SEPTIN9: variants seen among roughly 807,000 people sequenced by gnomAD.
The protein encoded by SEPTIN9 is septin 9, also known as septin-9.
SEPTIN9 carries 13 observed loss-of-function variants against 56.6 expected under a neutral mutation model. The observed-to-expected ratio is 0.23, with a 90% CI of 0.15 to 0.37. The LOEUF is 0.37. Ranked by LOEUF, SEPTIN9 falls within the 10% of genes least tolerant of loss-of-function variation. SEPTIN9 has a pLI of 1.00. For missense variants in SEPTIN9, 650 were observed against 823.1 expected (o/e 0.79, Z 2.57); for synonymous variants, 332 against 334.1 (o/e 0.99, Z 0.07).
In SEPTIN9 at chr17:77,309,589, A is replaced by G. The variant is rs796420829; in HGVS notation, c.76+2392A>G. The stretch of plus-strand genomic sequence containing the variant: ...TTCTCTGTAGATCCACATCTGGCCA[A>G]TCTCCTATGTCTGGGACTCTTGCCC... On this transcript the variant is annotated intron_variant, in intron 2 of 11. Coordinates refer to ENST00000427177, the MANE Select transcript of SEPTIN9 (RefSeq NM_001113491.2). 8.5e-5 allele frequency among the ~76,000 whole-genome samples: 13 copies of G among 152,120 alleles called. 1 individual carries two copies. The highest frequency in any genetic ancestry group is 3.1e-4 in the African/African-American group (13 of 41,512).
In SEPTIN9 at chr17:77,402,484, C is replaced by T. The variant is rs751842220; in HGVS notation, c.502C>T (p.Pro168Ser). 1.2e-6 allele frequency: 2 copies of T among 1,606,768 alleles called. No homozygotes were observed. The highest frequency in any genetic ancestry group is 1.3e-5 in the African/African-American group (1 of 74,872). ...QESAHRRMEP[P>S]ASKVPEVPTA... ...GTCAGCCCACCGGAGGATGGAGCCC[C>T]CTGCCTCCAAGGTCCCCGAGGTGCC... The change falls in exon 3 of 12, where the codon CCT becomes TCT. Residue 168 changes from proline (P) to serine (S), a missense_variant. Physicochemically the swap from Pro to Ser is moderately conservative, Grantham distance 74 (BLOSUM62 -1). Coordinates refer to ENST00000427177, the MANE Select transcript of SEPTIN9 (RefSeq NM_001113491.2). This position sits in a 1 kb window ranked among gnomAD's most constrained non-coding sequence, Gnocchi z 6.6.
intron 2 of SEPTIN9, chr17:77,376,181 G>A: frequency 2.0e-6 from 2 of 986,776 alleles, no homozygotes; most frequent in African/African-American, 1.7e-5. Context: ...AGTGGGGGAG[G>A]CTGGAATGAG....
chr17:77,497,677 A>G (rs892502026), intron 11 of SEPTIN9: 31 of 490,538 alleles, frequency 6.3e-5, no homozygotes, highest in Admixed American at 2.6e-4. Flanking sequence ...GTGAGGCCTC[A>G]TGTGCAGGCC....
chr17:77,379,504 G>A (rs1001069303), intron 2 of SEPTIN9, among the ~76,000 whole-genome samples: 1 of 152,156 alleles, frequency 6.6e-6, no homozygotes, highest in African/African-American at 2.4e-5. Context: ...CTGCCTACCC[G>A]TTGGGAGAGA....
At chr17:77,322,251 T>C (rs560024876) in intron 2 of SEPTIN9, among the ~76,000 whole-genome samples, 4 of 152,260 alleles carry the variant, frequency 2.6e-5, no homozygotes, top group African/African-American at 9.6e-5. Context: ...AAACACGGGC[T>C]TTTCATGAAC....
Position 77,425,921 on chromosome 17 carries a change from C to T in SEPTIN9, c.721+23218C>T, listed in dbSNP as rs767022753. Among the ~76,000 whole-genome samples, 13 of 152,198 alleles carry T rather than the reference C, an allele frequency of 8.5e-5. No homozygotes were observed. Among genetic ancestry groups the T allele is most frequent in the African/African-American group, 1.4e-4 (6 of 41,456 alleles). On this transcript the variant is annotated intron_variant, in intron 3 of 11. Transcript: ENST00000427177. This position sits in a 1 kb window ranked among gnomAD's most constrained non-coding sequence, Gnocchi z 4.2. ...ATCTGTAGAGGAGAGGCTGCTGTGC[C>T]GGCCCCGCAGGGCCCTGTGCAGAGG...
At chr17:77,422,467 T>C (rs2144225841) in intron 3 of SEPTIN9, among the ~76,000 whole-genome samples, 1 of 152,264 alleles carries the variant, frequency 6.6e-6, no homozygotes, top group South Asian at 2.1e-4. Flanking sequence ...ATTTCTGGTC[T>C]CTGGGCCTCC....
At chr17:77,442,581 A>G (rs2037588375) in intron 3 of SEPTIN9, among the ~76,000 whole-genome samples, 2 of 150,798 alleles carry the variant, frequency 1.3e-5, no homozygotes, top group African/African-American at 4.9e-5. Context: ...GGGTGAAAGC[A>G]CATATTATGG....
chr17:77,347,149 G>A (rs190569077), intron 2 of SEPTIN9, among the ~76,000 whole-genome samples: 11 of 152,198 alleles, frequency 7.2e-5, no homozygotes, highest in African/African-American at 1.2e-4. Flanking sequence ...AGGCCAAGGC[G>A]GGTGGATCAC....
chr17:77,477,265 T>C (rs901634066), intron 3 of SEPTIN9, among the ~76,000 whole-genome samples: 4 of 152,070 alleles, frequency 2.6e-5, no homozygotes, highest in African/African-American at 9.7e-5. Flanking sequence ...TCCAGAACGT[T>C]TTCCTCACCC....
chr17:77,431,428 G>A (rs980535289), intron 3 of SEPTIN9, among the ~76,000 whole-genome samples: 3 of 152,142 alleles, frequency 2.0e-5, no homozygotes, highest in Non-Finnish European at 4.4e-5. Flanking sequence ...TAATAATTGC[G>A]TCCTCCAGAC....
chr17:77,333,008 T>A (rs1301788995), intron 2 of SEPTIN9, among the ~76,000 whole-genome samples: 1 of 152,164 alleles, frequency 6.6e-6, no homozygotes, highest in African/African-American at 2.4e-5. Context: ...ATAGGGTAGG[T>A]ATACATTTAG....
chr17:77,355,518 G>C (rs141296218), intron 2 of SEPTIN9, among the ~76,000 whole-genome samples: 4 of 152,098 alleles, frequency 2.6e-5, no homozygotes, highest in African/African-American at 7.2e-5. Context: ...CTTGTGTCAC[G>C]TGGCTGCAGG....
intron 1 of SEPTIN9, among the ~76,000 whole-genome samples, chr17:77,287,387 A>C (rs1358921086): frequency 6.6e-6 from 1 of 152,150 alleles, no homozygotes; most frequent in Non-Finnish European, 1.5e-5. Flanking sequence ...GGCCTGCTCT[A>C]CTGGAGCGGC....
rs1301009858 is a variant in SEPTIN9 at position 77,436,026 on chromosome 17, CGT to C, written c.721+33332_721+33333del. Among the ~76,000 whole-genome samples the C allele has an allele frequency of 6.6e-6, 1 of 152,166 alleles. No homozygotes were observed. The highest frequency in any genetic ancestry group is 1.5e-5 in the Non-Finnish European group (1 of 68,028). ...GCGCGTGTTCTCTTGGCCTCAGCCT[CGT>C]GTGTGTGTTTATGCATGGGTACTTT... is the stretch of plus-strand genomic sequence containing the variant. On this transcript the variant is annotated intron_variant, in intron 3 of 11. Transcript: ENST00000427177. This position sits in a 1 kb window ranked among gnomAD's most constrained non-coding sequence, Gnocchi z 4.4.
chr17:77,478,758 C>A, intron 3 of SEPTIN9, among the ~76,000 whole-genome samples: 1 of 150,014 alleles, frequency 6.7e-6, no homozygotes, highest in East Asian at 2.0e-4. Context: ...GAGCCGAGAT[C>A]GCGCCATTGC....
intron 3 of SEPTIN9, among the ~76,000 whole-genome samples, chr17:77,441,347 C>G (rs531765899): frequency 6.6e-6 from 1 of 152,346 alleles, no homozygotes; most frequent in East Asian, 1.9e-4. Flanking sequence ...TCTGACACTG[C>G]GGCCCCTGCC....
Position 77,499,506 on chromosome 17 carries a change from GTC to G in SEPTIN9, c.*850_*851del, listed in dbSNP as rs1281368952. ...GTTTTGAAAAGGTCTAAGCAAGTGA[GTC>G]TGGTGGAGGAGCTGAGGGAGGGAGC... On this transcript the variant is annotated 3_prime_UTR_variant, in exon 12 of 12. Coordinates refer to ENST00000427177, the MANE Select transcript of SEPTIN9 (RefSeq NM_001113491.2). The G allele has an allele frequency of 2.1e-6, 1 of 476,718 alleles. No homozygotes were observed. The highest frequency in any genetic ancestry group is 4.0e-5 in the East Asian group (1 of 25,168). 29.5% of individuals were successfully genotyped at this position (476,718 alleles called of 1,614,324 possible).
intron 2 of SEPTIN9, among the ~76,000 whole-genome samples, chr17:77,343,639 C>T (rs960975713): frequency 2.4e-4 from 37 of 152,164 alleles, no homozygotes; most frequent in African/African-American, 8.4e-4. Flanking sequence ...TTACCACTTG[C>T]GACTGATCTC....
Sources: gnomAD v4.1 joint callset for allele counts (sites outside exome capture counted in the v4.1 genomes callset) on GRCh38, gnomAD v4.1.1 for gene constraint, Gnocchi (gnomAD v3.1) non-coding constraint, MANE v1.5 for transcripts, NCBI Gene and HGNC (gene_info 2026-07-23, HGNC 2026-07-21) for gene names.